DPYD: variants seen among roughly 807,000 people sequenced by gnomAD.
The protein encoded by DPYD is dihydropyrimidine dehydrogenase [NADP(+)].
In DPYD, 109 loss-of-function variants were observed where a neutral mutation model predicts 116.2. That is an observed-to-expected ratio of 0.94 (90% confidence interval 0.80 to 1.10). DPYD has a LOEUF of 1.10. Ranked by LOEUF, DPYD falls within the 50% of genes least tolerant of loss-of-function variation. DPYD has a pLI of 0.00. For synonymous variants in DPYD, 440 were observed against 432.0 expected (o/e 1.02, Z -0.23); for missense variants, 1,302 against 1,254.5 (o/e 1.04, Z -0.57).
chr1:97,721,181 T>G (rs776666178), intron 5 of DPYD, among the ~76,000 whole-genome samples: 1 of 151,754 alleles, frequency 6.6e-6, no homozygotes, highest in Non-Finnish European at 1.5e-5. Context: ...TTACAGAAGA[T>G]AGTCTTTTCA....
At chr1:97,179,865 T>C (rs1222008531) in intron 20 of DPYD, among the ~76,000 whole-genome samples, 1 of 152,106 alleles carries the variant, frequency 6.6e-6, no homozygotes, top group Admixed American at 6.6e-5. Context: ...ATTTGATAAT[T>C]AGGTGGTTAA....
intron 11 of DPYD, among the ~76,000 whole-genome samples, chr1:97,554,898 C>T (rs1651579753): frequency 6.6e-6 from 1 of 152,058 alleles, no homozygotes; most frequent in African/African-American, 2.4e-5. Flanking sequence ...TTACTCTTTT[C>T]AGTATATTGT....
chr1:97,223,473 G>A (rs534229804), intron 19 of DPYD, among the ~76,000 whole-genome samples: 4 of 151,872 alleles, frequency 2.6e-5, no homozygotes, highest in Non-Finnish European at 5.9e-5. Context: ...AATTGTTTGT[G>A]AATTAACTGA....
At chr1:97,438,631 G>A (rs1240162844) in intron 14 of DPYD, among the ~76,000 whole-genome samples, 4 of 151,760 alleles carry the variant, frequency 2.6e-5, no homozygotes, top group African/African-American at 9.7e-5. Context: ...AGGCAAGTTA[G>A]GTATTTATCT....
intron 6 of DPYD, among the ~76,000 whole-genome samples, chr1:97,694,038 T>C (rs1661169006): frequency 6.6e-6 from 1 of 152,164 alleles, no homozygotes; most frequent in African/African-American, 2.4e-5. Context: ...CTTGGCAGTA[T>C]AACTTTGAAT....
chr1:97,765,166 C>T (rs571142932), intron 3 of DPYD, among the ~76,000 whole-genome samples: 26 of 152,216 alleles, frequency 1.7e-4, no homozygotes, highest in African/African-American at 6.3e-4. Flanking sequence ...CTATACAACG[C>T]CTTCACTCTT....
chr1:97,841,929 C>A (rs1273731444), intron 2 of DPYD, among the ~76,000 whole-genome samples: 2 of 151,570 alleles, frequency 1.3e-5, no homozygotes, highest in Admixed American at 6.6e-5. Context: ...AGAGTCTGAC[C>A]CATTCTAGAA....
chr1:97,860,048 A>T (rs1185096704), intron 2 of DPYD, among the ~76,000 whole-genome samples: 1 of 152,130 alleles, frequency 6.6e-6, no homozygotes, highest in African/African-American at 2.4e-5. Flanking sequence ...GGAGATAAAA[A>T]TTCTAAATAT....
intron 20 of DPYD, among the ~76,000 whole-genome samples, chr1:97,153,932 A>C (rs989448300): frequency 6.6e-6 from 1 of 151,360 alleles, no homozygotes; most frequent in African/African-American, 2.4e-5. Context: ...AATCAAAACC[A>C]TAACACAAAA....
At chr1:97,161,812 A>T (rs9725545) in intron 20 of DPYD, among the ~76,000 whole-genome samples, 5,395 of 146,594 alleles carry the variant, frequency 0.037, 278 homozygotes, top group African/African-American at 0.12. Flanking sequence ...ATGAGTGAGA[A>T]CATGGGGTGT....
intron 18 of DPYD, among the ~76,000 whole-genome samples, chr1:97,289,963 T>G (rs1666019836): frequency 6.6e-6 from 1 of 152,236 alleles, no homozygotes; most frequent in Non-Finnish European, 1.5e-5. Context: ...CAAAATCTCC[T>G]TAAGCTGATA....
At chr1:97,140,609 T>C (rs1045109262) in intron 20 of DPYD, among the ~76,000 whole-genome samples, 8 of 151,974 alleles carry the variant, frequency 5.3e-5, no homozygotes, top group African/African-American at 1.9e-4. Context: ...GAATCACAGG[T>C]GACATGGAGA....
chr1:97,920,753 TC>T, intron 1 of DPYD, 130 bp downstream of exon 1: 1 of 1,306,134 alleles, frequency 7.7e-7, no homozygotes. Context: ...CCCGCAGAGC[TC>T]CCACGGGGGA....
At chr1:97,518,759 A>G (rs1275338005) in intron 12 of DPYD, among the ~76,000 whole-genome samples, 1 of 152,116 alleles carries the variant, frequency 6.6e-6, no homozygotes, top group Non-Finnish European at 1.5e-5. Flanking sequence ...AACAATGGGG[A>G]TAGGTTCCAT....
intron 3 of DPYD, among the ~76,000 whole-genome samples, chr1:97,820,421 C>G (rs1247481172): frequency 6.6e-6 from 1 of 152,092 alleles, no homozygotes; most frequent in South Asian, 2.1e-4. Context: ...TCTAAAAGTC[C>G]TTGAGTTGAA....
chr1:97,102,289 T>A (rs1290973640), intron 20 of DPYD, among the ~76,000 whole-genome samples: 3 of 151,024 alleles, frequency 2.0e-5, no homozygotes, highest in African/African-American at 7.3e-5. Context: ...CTCTCTTATC[T>A]AATTGGAAAC....
chr1:97,120,003 T>C (rs1652300824), intron 20 of DPYD, among the ~76,000 whole-genome samples: 1 of 152,174 alleles, frequency 6.6e-6, no homozygotes, highest in African/African-American at 2.4e-5. Context: ...GGTCAGTGCC[T>C]GCCCTCTGCA....
At chr1:97,130,228 T>G (rs6696033) in intron 20 of DPYD, among the ~76,000 whole-genome samples, 2 of 152,168 alleles carry the variant, frequency 1.3e-5, no homozygotes, top group African/African-American at 4.8e-5. Context: ...TGGAGAGTCC[T>G]TTGCAAAATT....
chr1:97,669,944 C>T (rs1421254687), intron 8 of DPYD, among the ~76,000 whole-genome samples: 2 of 152,094 alleles, frequency 1.3e-5, no homozygotes, highest in Admixed American at 6.6e-5. Flanking sequence ...TACATAGCAG[C>T]GATTCGTAAG....
Sources: allele counts gnomAD v4.1 joint callset (sites outside exome capture counted in the v4.1 genomes callset), GRCh38; gene constraint gnomAD v4.1.1; transcripts MANE v1.5; gene names NCBI Gene and HGNC (gene_info 2026-07-23, HGNC 2026-07-21).